LGMN: variants seen among roughly 807,000 people sequenced by gnomAD.
LGMN encodes the protein asparaginyl endopeptidase.
In LGMN, 36 loss-of-function variants were observed where a neutral mutation model predicts 56.8. The observed-to-expected ratio is 0.63, with a 90% CI of 0.49 to 0.84. The LOEUF is 0.84. Among genes scored for constraint, LGMN ranks in the 40% least tolerant of loss-of-function variants. LGMN has a pLI of 0.00. For synonymous variants in LGMN, 199 were observed against 210.1 expected (o/e 0.95, Z 0.46); for missense variants, 446 against 556.1 (o/e 0.80, Z 1.99).
intron 2 of LGMN, among the ~76,000 whole-genome samples, chr14:92,720,867 T>A (rs1235574442): frequency 6.6e-6 from 1 of 152,116 alleles, no homozygotes; most frequent in African/African-American, 2.4e-5. Flanking sequence ...AGTGGCCCAA[T>A]GTCATTTTTG....
In LGMN at chr14:92,711,820, G is replaced by GC. The variant is rs1216215818; in HGVS notation, c.729+16dup. ...CGGTTAAACCCCAGCTGAACAGCCA[G>GC]CCCCCAAAGGGCTCACCACGTCCGA... On this transcript the variant is annotated intron_variant, in intron 9 of 13. Transcript: ENST00000334869. The GC allele has an allele frequency of 3.1e-6, 5 of 1,608,264 alleles. No homozygotes were observed. The highest frequency in any genetic ancestry group is 4.3e-6 in the Non-Finnish European group (5 of 1,174,624).
chr14:92,728,572 T>C (rs1595552945), intron 2 of LGMN, among the ~76,000 whole-genome samples: 1 of 152,252 alleles, frequency 6.6e-6, no homozygotes, highest in Non-Finnish European at 1.5e-5. Context: ...AAACTTGTTA[T>C]ACGGCGCATG....
chr14:92,742,763 G>A (rs556196647), intron 1 of LGMN: 1 of 152,378 alleles, frequency 6.6e-6, no homozygotes, highest in East Asian at 1.9e-4. Flanking sequence ...ATTGGATACA[G>A]GCTGGGCGTG....
intron 1 of LGMN, among the ~76,000 whole-genome samples, chr14:92,734,134 T>C (rs2140266443): frequency 6.6e-6 from 1 of 152,366 alleles, no homozygotes; most frequent in South Asian, 2.1e-4. Flanking sequence ...TTACAGAGCA[T>C]GGACATACCA....
intron 1 of LGMN, among the ~76,000 whole-genome samples, chr14:92,739,320 C>T (rs1891445954): frequency 6.6e-6 from 1 of 152,192 alleles, no homozygotes; most frequent in African/African-American, 2.4e-5. Context: ...GGCTAAACTA[C>T]TCATTCTTTG....
intron 1 of LGMN, among the ~76,000 whole-genome samples, chr14:92,747,321 T>A (rs1217391175): frequency 6.6e-6 from 1 of 151,648 alleles, no homozygotes; most frequent in Non-Finnish European, 1.5e-5. Flanking sequence ...TGAAACCTCG[T>A]CTCTACTAAA....
chr14:92,720,442 C>T (rs767764099), intron 2 of LGMN, among the ~76,000 whole-genome samples: 7 of 152,034 alleles, frequency 4.6e-5, no homozygotes, highest in Admixed American at 4.6e-4. Flanking sequence ...CTGAGGCGGG[C>T]GGATCACCTG....
At chr14:92,735,105 A>G (rs1274977878) in intron 1 of LGMN, among the ~76,000 whole-genome samples, 3 of 149,338 alleles carry the variant, frequency 2.0e-5, no homozygotes, top group Non-Finnish European at 4.5e-5. Context: ...TGAGTCTTGA[A>G]AAGTGTCTTA....
rs1313492026 is a variant in LGMN, at chr14:92,714,337, G to A, written c.480+39C>T. 7 of 1,362,264 alleles carry A rather than the reference G, an allele frequency of 5.1e-6. No individual in the cohort carries two copies. In the Admixed American group the frequency reaches 1.2e-4, roughly 23 times the overall value. The allele number at this position is 1,362,264 out of a possible 1,614,324, so 84.4% of individuals were successfully genotyped here. ...TCTCGACACCTAGGCTTGCTTTTCT[G>A]TTCTGCTAGTTTGTCCTTAAAACGT... is the stretch of plus-strand genomic sequence containing the variant. On this transcript the variant is annotated intron_variant, in intron 6 of 13. Transcript: ENST00000334869. This position sits in a 1 kb window ranked among gnomAD's most constrained non-coding sequence, Gnocchi z 5.1.
chr14:92,739,643 G>A (rs1891461006), intron 1 of LGMN, among the ~76,000 whole-genome samples: 1 of 152,206 alleles, frequency 6.6e-6, no homozygotes, highest in Non-Finnish European at 1.5e-5. Flanking sequence ...AATAAGGCAG[G>A]AGAGGGAGGG....
At position 92,732,670 on chromosome 14, in the gene LGMN, G is replaced by A; in HGVS notation, c.117C>T (p.Gly39=). 1 of 1,614,034 alleles carries A rather than the reference G, an allele frequency of 6.2e-7. No homozygotes were observed. The highest frequency in any genetic ancestry group is 8.5e-7 in the Non-Finnish European group (1 of 1,179,974). Residue 39 remains glycine, a synonymous_variant, in exon 2 of 14, where the codon GGC becomes GGT. Transcript: ENST00000334869. ...TTACCTGGTGCCTATAATTATACCA[G>A]CCATTTGAACCTGCCACGATCACCA... is the stretch of plus-strand genomic sequence containing the variant. The part of the protein sequence containing the change: ...HWVVIVAGSN[G]WYNYRHQADA...
At chr14:92,732,891 C>T (rs1384899601) in intron 1 of LGMN, 76 bp from the exon 2 acceptor site, 1 of 1,204,028 alleles carries the variant, frequency 8.3e-7, no homozygotes, top group Admixed American at 2.6e-5. Context: ...TGGCTCACAC[C>T]TGTAATTCCA....
chr14:92,714,032 C>T lies in LGMN; in HGVS notation c.481-147G>A, dbSNP rs1889936156. ...GGTGAAGAACATAACCCCAGAATGT[C>T]GTCACATGTTTTATGCACGCATTTA... On this transcript the variant is annotated intron_variant, in intron 6 of 13. Coordinates refer to ENST00000334869, the MANE Select transcript of LGMN (RefSeq NM_005606.7). The surrounding 1 kb of genome is among the most constrained non-coding windows in gnomAD (Gnocchi z 5.1). The T allele has an allele frequency of 4.2e-6, 3 of 707,336 alleles. No homozygotes were observed. The highest frequency in any genetic ancestry group is 1.6e-5 in the South Asian group (1 of 62,316). The allele number at this position is 707,336 out of a possible 1,614,324, so 43.8% of individuals were successfully genotyped here. A position where few individuals can be genotyped will look rare whatever the true frequency, so the allele number is the denominator to read the frequency against.
chr14:92,707,625 A>G (rs930968597), intron 11 of LGMN, among the ~76,000 whole-genome samples: 3 of 152,252 alleles, frequency 2.0e-5, no homozygotes, highest in African/African-American at 7.2e-5. Flanking sequence ...TTGTTTTGGA[A>G]AATGGTTATT....
chr14:92,718,929 G>A, intron 2 of LGMN, 85 bp from the exon 3 acceptor site: 1 of 797,938 alleles, frequency 1.3e-6, no homozygotes, highest in East Asian at 2.6e-5. Flanking sequence ...TCTGTCTCCT[G>A]GAAGACTTAC....
At chr14:92,744,670 A>AC (rs1046735850) in intron 1 of LGMN, among the ~76,000 whole-genome samples, 19 of 145,006 alleles carry the variant, frequency 1.3e-4, no homozygotes, top group African/African-American at 4.9e-4. Context: ...ATCTTGGCTC[A>AC]CCACAACCTC....
chr14:92,725,948 C>T, intron 2 of LGMN, among the ~76,000 whole-genome samples: 1 of 151,910 alleles, frequency 6.6e-6, no homozygotes. Flanking sequence ...AAGTTATGAG[C>T]TCATCTGACC....
chr14:92,727,526 A>T (rs918238364), intron 2 of LGMN, among the ~76,000 whole-genome samples: 2 of 151,240 alleles, frequency 1.3e-5, no homozygotes, highest in Admixed American at 6.6e-5. Context: ...CTTTCAAACC[A>T]CCAGGGAGGG....
intron 2 of LGMN, among the ~76,000 whole-genome samples, chr14:92,720,762 T>C (rs1162410347): frequency 6.6e-6 from 1 of 152,186 alleles, no homozygotes; most frequent in African/African-American, 2.4e-5. Context: ...CTACATTACA[T>C]TACATTACAG....
Sources: gnomAD v4.1 joint callset for allele counts (sites outside exome capture counted in the v4.1 genomes callset) on GRCh38, gnomAD v4.1.1 for gene constraint, Gnocchi (gnomAD v3.1) non-coding constraint, MANE v1.5 for transcripts, NCBI Gene and HGNC (gene_info 2026-07-23, HGNC 2026-07-21) for gene names.